Variants in POLA1 observed in about 807,000 individuals in gnomAD.
POLA1 encodes the protein DNA polymerase alpha catalytic subunit.
POLA1 carries 15 observed loss-of-function variants against 124.0 expected under a neutral mutation model. The ratio of observed to expected loss-of-function variants is 0.12; its 90% CI spans 0.08 to 0.19. The LOEUF (loss-of-function observed/expected upper bound fraction) is 0.19. Ranked by LOEUF, POLA1 falls within the 10% of genes least tolerant of loss-of-function variation. The probability of loss-of-function intolerance (pLI) is 1.00; values close to 1 mark genes in which losing one functional copy is unlikely to be tolerated. For synonymous variants in POLA1, 408 were observed against 389.4 expected (o/e 1.05, Z -0.56); for missense variants, 886 against 1,103.4 (o/e 0.80, Z 2.79).
At chrX:24,935,084 C>T (rs759187515) in intron 36 of POLA1, among the ~76,000 whole-genome samples, 1 of 111,796 alleles carries the variant, frequency 8.9e-6, no homozygotes, top group Non-Finnish European at 1.9e-5. Flanking sequence ...ACCTAATCTC[C>T]TCTTCTTATA....
chrX:24,964,456 C>T (rs1163050019), intron 36 of POLA1, among the ~76,000 whole-genome samples: 1 of 112,754 alleles, frequency 8.9e-6, no homozygotes, highest in Non-Finnish European at 1.9e-5. Context: ...AAAATGTTAT[C>T]CTGACATTTA....
In POLA1 at chrX:24,733,982, C is replaced by T. The variant is rs1263786742; in HGVS notation, c.1833+166C>T. On this transcript the variant is annotated intron_variant, in intron 17 of 36. Transcript: ENST00000379068. ...AATGTATTAGACATACACCTAGAAG[C>T]ATTATTTAACAATGTTTAAATGTTT... The T allele has an allele frequency of 1.5e-5, 5 of 329,398 alleles. No homozygotes were observed. In the Admixed American group the frequency reaches 2.8e-4, roughly 19 times the overall value. The allele number at this position is 329,398 out of a possible 1,213,427, so 27.1% of individuals were successfully genotyped here.
chrX:24,849,507 T>C (rs1358599492), intron 34 of POLA1, among the ~76,000 whole-genome samples: 1 of 111,830 alleles, frequency 8.9e-6, no homozygotes, highest in Non-Finnish European at 1.9e-5. Context: ...TCTTATTCTG[T>C]CACCCAGGGT....
At chrX:24,827,198 T>C (rs1429951665) in intron 32 of POLA1, among the ~76,000 whole-genome samples, 1 of 112,224 alleles carries the variant, frequency 8.9e-6, no homozygotes, top group Non-Finnish European at 1.9e-5. Flanking sequence ...ACTTTGGCTT[T>C]TTGCTATGTC....
intron 13 of POLA1, among the ~76,000 whole-genome samples, chrX:24,726,465 A>G (rs1930542471): frequency 8.9e-6 from 1 of 112,297 alleles, no homozygotes; most frequent in Non-Finnish European, 1.9e-5. Flanking sequence ...TAGGATGTTA[A>G]TTAACTGGAC....
At chrX:24,772,621 T>G (rs979317251) in intron 26 of POLA1, among the ~76,000 whole-genome samples, 3 of 110,826 alleles carry the variant, frequency 2.7e-5, no homozygotes, top group African/African-American at 6.6e-5. Context: ...TAGCTACCAC[T>G]TATAAGTGAG....
intron 35 of POLA1, among the ~76,000 whole-genome samples, chrX:24,916,677 G>A (rs1009258874): frequency 6.3e-5 from 7 of 111,736 alleles, no homozygotes; most frequent in African/African-American, 2.0e-4. Flanking sequence ...GATGTATAGC[G>A]TGGGAAGGAT....
In POLA1 at chrX:24,716,847, T is replaced by A. The variant is rs371699662; in HGVS notation, c.619-37T>A. ...AGGACAGTTGCATATTTTTAGTATGTAGGTCTAACTGACTAAATATTTAAA... is the reference window on the plus strand; with the variant it reads ...AGGACAGTTGCATATTTTTAGTATGAAGGTCTAACTGACTAAATATTTAAA... On this transcript the variant is annotated intron_variant, in intron 7 of 36. Transcript: ENST00000379068. The A allele has an allele frequency of 7.0e-6, 6 of 858,737 alleles. No homozygotes were observed. The Admixed American group carries it at 1.4e-4, about 21-fold the overall frequency. The allele number at this position is 858,737 out of a possible 1,213,427, so 70.8% of individuals were successfully genotyped here.
intron 30 of POLA1, among the ~76,000 whole-genome samples, chrX:24,817,850 C>T (rs1044037982): frequency 1.8e-5 from 2 of 108,265 alleles, no homozygotes; most frequent in South Asian, 4.0e-4. Context: ...GTGAGCTATT[C>T]AGTTTCTACA....
At position 24,995,947 on chromosome X, in the gene POLA1, C is replaced by A. The variant is rs1478942425; in HGVS notation, c.4404C>A (p.Ser1468=). ...TCTTCGCTGGTTGTGCCGTGAAATC[C>A]TAAGGGAATCCCAGGAGTAACCAAG... The part of the protein sequence containing the change: ...SKLFAGCAVK[S] Residue 1468 remains serine, a synonymous_variant, in exon 37 of 37, where the codon TCC becomes TCA. Coordinates refer to ENST00000379068, the MANE Select transcript of POLA1 (RefSeq NM_001330360.2). 8.3e-7 allele frequency: 1 copy of A among 1,208,704 alleles called. No individual in the cohort carries two copies. The highest frequency in any genetic ancestry group is 1.7e-5 in the African/African-American group (1 of 57,554).
intron 20 of POLA1, among the ~76,000 whole-genome samples, chrX:24,740,363 A>G (rs1159219544): frequency 1.8e-5 from 2 of 110,785 alleles, no homozygotes; most frequent in South Asian, 3.8e-4. Flanking sequence ...CTTCTTTTCA[A>G]CTGCATTGGA....
chrX:24,985,367 A>G (rs191304589), intron 36 of POLA1, among the ~76,000 whole-genome samples: 83 of 113,207 alleles, frequency 7.3e-4, no homozygotes, highest in African/African-American at 2.6e-3. Flanking sequence ...CCTTCAGGCC[A>G]TAGTTGCTAA....
intron 36 of POLA1, among the ~76,000 whole-genome samples, chrX:24,941,101 T>C (rs1182979933): frequency 1.8e-5 from 2 of 112,354 alleles, no homozygotes; most frequent in East Asian, 5.5e-4. Context: ...CTTAACTCTA[T>C]TGTGATAACA....
intron 35 of POLA1, among the ~76,000 whole-genome samples, chrX:24,913,629 G>A (rs1202316770): frequency 3.7e-5 from 4 of 109,302 alleles, no homozygotes; most frequent in African/African-American, 1.0e-4. Context: ...CAGGAGAATC[G>A]CTTAAACCCG....
intron 36 of POLA1, among the ~76,000 whole-genome samples, chrX:24,982,142 A>G (rs2048430024): frequency 9.1e-6 from 1 of 109,817 alleles, no homozygotes; most frequent in Non-Finnish European, 1.9e-5. Flanking sequence ...TTGCTTTTAA[A>G]GTGGGCATTA....
At chrX:24,965,654 T>C (rs944814739) in intron 36 of POLA1, among the ~76,000 whole-genome samples, 15 of 112,246 alleles carry the variant, frequency 1.3e-4, no homozygotes, top group African/African-American at 4.5e-4. Flanking sequence ...GTTCTGTGGC[T>C]GAGCTCGTAA....
intron 36 of POLA1, among the ~76,000 whole-genome samples, chrX:24,964,562 C>T (rs753010722): frequency 1.4e-4 from 16 of 112,473 alleles, no homozygotes; most frequent in Non-Finnish European, 2.1e-4. Context: ...CTTTATAATA[C>T]GTTATTAGGG....
intron 35 of POLA1, among the ~76,000 whole-genome samples, chrX:24,903,001 C>T (rs1601852293): frequency 8.9e-6 from 1 of 112,257 alleles, no homozygotes; most frequent in African/African-American, 3.2e-5. Flanking sequence ...GGAAGGTTAT[C>T]TGAAATTGGA....
At chrX:24,752,388 C>T (rs1412892821) in intron 26 of POLA1, among the ~76,000 whole-genome samples, 2 of 111,813 alleles carry the variant, frequency 1.8e-5, no homozygotes, top group African/African-American at 6.5e-5. Context: ...ACAGTGTGTA[C>T]GTTATTTAAA....
Sources: allele counts gnomAD v4.1 joint callset (sites outside exome capture counted in the v4.1 genomes callset), GRCh38; gene constraint gnomAD v4.1.1; transcripts MANE v1.5; gene names NCBI Gene and HGNC (gene_info 2026-07-23, HGNC 2026-07-21).